Variants in GCNT1 observed in about 807,000 individuals in gnomAD.
GCNT1 encodes the protein glucosaminyl (N-acetyl) transferase 1.
In GCNT1, 16 loss-of-function variants were observed where a neutral mutation model predicts 26.2. The ratio of observed to expected loss-of-function variants is 0.61; its 90% CI spans 0.41 to 0.93. GCNT1 has a LOEUF of 0.93. Ranked by LOEUF, GCNT1 falls within the 40% of genes least tolerant of loss-of-function variation. GCNT1 has a pLI of 0.00. For missense variants in GCNT1, 477 were observed against 526.7 expected (o/e 0.91, Z 0.92); for synonymous variants, 183 against 190.8 (o/e 0.96, Z 0.34).
the GCNT1 span, chr9:76,393,938 T>G: frequency 1.4e-6 from 1 of 700,700 alleles, no homozygotes; most frequent in African/African-American, 1.9e-5. Context: ...CCAACGGTCC[T>G]CCGCCACAGA....
intron 1 of GCNT1, among the ~76,000 whole-genome samples, chr9:76,427,070 A>G (rs1823266980): frequency 6.6e-6 from 1 of 152,202 alleles, no homozygotes; most frequent in Admixed American, 6.5e-5. Flanking sequence ...AATGACTAGT[A>G]TCCTTATATG....
intron 2 of GCNT1, among the ~76,000 whole-genome samples, chr9:76,475,378 T>A (rs1322916393): frequency 6.6e-6 from 1 of 152,152 alleles, no homozygotes; most frequent in African/African-American, 2.4e-5. Context: ...ATCTGTAACA[T>A]TCATATTCGC....
intron 2 of GCNT1, among the ~76,000 whole-genome samples, chr9:76,490,170 G>A (rs569764647): frequency 1.3e-4 from 19 of 151,904 alleles, no homozygotes; most frequent in African/African-American, 3.4e-4. Flanking sequence ...GCAGCATCTC[G>A]TACTATCCCT....
At chr9:76,414,418 T>A in the GCNT1 span, among the ~76,000 whole-genome samples, 1 of 152,188 alleles carries the variant, frequency 6.6e-6, no homozygotes, top group African/African-American at 2.4e-5. Context: ...TTAGATGTCA[T>A]GCAAGAAATA....
In GCNT1 at chr9:76,502,423, C is replaced by T. The variant is rs750607017; in HGVS notation, c.42C>T (p.Pro14=). The T allele has an allele frequency of 3.8e-5, 62 of 1,612,692 alleles. No individual in the cohort carries two copies. Among genetic ancestry groups the T allele is most frequent in the Non-Finnish European group, 4.7e-5 (55 of 1,179,460 alleles). ...TLLRRRLFSY[P]TKYYFMVLVL... ...TGCGAAGGAGACTTTTTTCTTATCC[C>T]ACCAAATACTACTTTATGGTTCTTG... The change falls in exon 4 of 4, where the codon CCC becomes CCT. Residue 14 remains proline, a synonymous_variant. Transcript: ENST00000376730.
chr9:76,426,401 T>C (rs1823258068), intron 1 of GCNT1, among the ~76,000 whole-genome samples: 1 of 151,882 alleles, frequency 6.6e-6, no homozygotes, highest in Admixed American at 6.6e-5. Flanking sequence ...AGCCCTGTCT[T>C]CGCAAAAAAT....
In GCNT1 at chr9:76,502,812, A is replaced by C; in HGVS notation, c.431A>C (p.Tyr144Ser). 1 of 1,614,122 alleles carries C rather than the reference A, an allele frequency of 6.2e-7. No individual in the cohort carries two copies. Among genetic ancestry groups the C allele is most frequent in the Non-Finnish European group, 8.5e-7 (1 of 1,179,992 alleles). ...EMLDRLLRAI[Y>S]MPQNFYCIHV... The stretch of plus-strand genomic sequence containing the variant: ...CTTGACAGGCTGCTGAGGGCCATCT[A>C]TATGCCTCAGAATTTCTATTGCATT... The change falls in exon 4 of 4, where the codon TAT (tyrosine) becomes TCT (serine). Residue 144 changes from tyrosine to serine, a missense_variant. Coordinates refer to ENST00000376730, the MANE Select transcript of GCNT1 (RefSeq NM_001490.5).
rs1825216609 is a variant in GCNT1, at chr9:76,505,619, C to T, written c.*1951C>T. 1 of 146,954 alleles carries T rather than the reference C, an allele frequency of 6.8e-6. No individual in the cohort carries two copies. Among genetic ancestry groups the T allele is most frequent in the Non-Finnish European group, 1.6e-5 (1 of 62,744 alleles). The allele number at this position is 146,954 out of a possible 1,614,324, so 9.1% of individuals were successfully genotyped here. A position where few individuals can be genotyped will look rare whatever the true frequency, so the allele number is the denominator to read the frequency against. Reference sequence around the variant, plus strand: ...TTTTTTATTTTGAAAAATTGCAAATCTACAGCAAAAGTAAAACAGTAGAGT... The same window carrying T: ...TTTTTTATTTTGAAAAATTGCAAATTTACAGCAAAAGTAAAACAGTAGAGT... On this transcript the variant is annotated 3_prime_UTR_variant, in exon 4 of 4. Transcript: ENST00000376730.
chr9:76,491,329 C>T (rs1824731662), intron 2 of GCNT1, among the ~76,000 whole-genome samples: 1 of 152,172 alleles, frequency 6.6e-6, no homozygotes, highest in Admixed American at 6.5e-5. Flanking sequence ...TTTTTGATGG[C>T]TTCGGCAGTG....
chr9:76,461,745 C>T (rs1823874475), intron 2 of GCNT1, among the ~76,000 whole-genome samples: 1 of 150,440 alleles, frequency 6.6e-6, no homozygotes, highest in Admixed American at 6.6e-5. Context: ...AAAAATTAGC[C>T]AGGTGTGGTG....
Position 76,503,594 on chromosome 9 carries a change from G to C in GCNT1, c.1213G>C (p.Asp405His), listed in dbSNP as rs1367800909. 1 of 1,614,076 alleles carries C rather than the reference G, an allele frequency of 6.2e-7. No homozygotes were observed. The highest frequency in any genetic ancestry group is 1.7e-5 in the Admixed American group (1 of 60,008). Reference protein sequence around the residue: ...HHLFANKFDVDVDLFAIQCLD... With the variant: ...HHLFANKFDVHVDLFAIQCLD... ...CTTGTTTGCCAATAAGTTTGACGTG[G>C]ATGTTGACCTCTTTGCCATCCAGTG... The change falls in exon 4 of 4, where the codon GAT becomes CAT. Residue 405 changes from aspartate to histidine, a missense_variant. By Grantham distance (81) the Asp-to-His change is moderately conservative. Transcript: ENST00000376730.
intron 2 of GCNT1, among the ~76,000 whole-genome samples, chr9:76,482,623 CA>C (rs950425569): frequency 1.0e-4 from 15 of 145,104 alleles, no homozygotes; most frequent in East Asian, 2.0e-4. Context: ...GACTCCATCT[CA>C]AAAAAAAAAG....
intron 1 of GCNT1, among the ~76,000 whole-genome samples, chr9:76,428,265 C>CAAAAAAAAAAAAAAA (rs869195487): frequency 4.7e-4 from 14 of 29,754 alleles, no homozygotes; most frequent in Admixed American, 1.1e-3. Flanking sequence ...GACTCCGTCT[C>CAAAAAAAAAAAAAAA]AAAAAAAAAA....
At chr9:76,496,031 TA>T (rs1040322392) in intron 2 of GCNT1, among the ~76,000 whole-genome samples, 1 of 151,848 alleles carries the variant, frequency 6.6e-6, no homozygotes, top group African/African-American at 2.4e-5. Context: ...GATTCCCCAG[TA>T]AAAAAAACTC....
chr9:76,404,013 G>C, the GCNT1 span, among the ~76,000 whole-genome samples: 1 of 152,180 alleles, frequency 6.6e-6, no homozygotes, highest in African/African-American at 2.4e-5. Context: ...TTCTGGAGAT[G>C]AACTTTGACC....
the GCNT1 span, among the ~76,000 whole-genome samples, chr9:76,413,251 G>T: frequency 3.9e-5 from 6 of 152,216 alleles, no homozygotes; most frequent in Non-Finnish European, 7.3e-5. Flanking sequence ...CTGGACACAG[G>T]TCAGACAAGA....
chr9:76,436,285 C>T (rs116136966), intron 1 of GCNT1, among the ~76,000 whole-genome samples: 1,652 of 152,072 alleles, frequency 0.011, 34 homozygotes, highest in African/African-American at 0.037. Context: ...ATACCTTCCA[C>T]AAGTGGTGGG....
At chr9:76,486,681 A>G (rs562119532) in intron 2 of GCNT1, among the ~76,000 whole-genome samples, 1 of 152,232 alleles carries the variant, frequency 6.6e-6, no homozygotes, top group African/African-American at 2.4e-5. Context: ...AAAATTGCTT[A>G]TTATCATTTT....
chr9:76,421,471 G>T (rs1042489216), intron 1 of GCNT1, among the ~76,000 whole-genome samples: 8 of 151,564 alleles, frequency 5.3e-5, no homozygotes, highest in African/African-American at 1.9e-4. Context: ...GACCATGGTG[G>T]TGTGTGCCTG....
Sources: gnomAD v4.1 joint callset for allele counts (sites outside exome capture counted in the v4.1 genomes callset) on GRCh38, gnomAD v4.1.1 for gene constraint, MANE v1.5 for transcripts, NCBI Gene and HGNC (gene_info 2026-07-23, HGNC 2026-07-21) for gene names.